The following OSBPL3 variants were observed in gnomAD, a reference collection of about 807,000 sequenced individuals.
The protein encoded by OSBPL3 is oxysterol-binding protein-related protein 3.
A neutral mutation model predicts 120.1 loss-of-function variants in OSBPL3; 65 were observed. The ratio of observed to expected loss-of-function variants is 0.54; its 90% confidence interval spans 0.44 to 0.67. The LOEUF is 0.67. Ranked by LOEUF, OSBPL3 falls within the 30% of genes least tolerant of loss-of-function variation. The pLI, the probability that OSBPL3 is intolerant of heterozygous loss-of-function variation, is 0.00. For missense variants in OSBPL3, 1,004 were observed against 1,082.1 expected (o/e 0.93, Z 1.01); for synonymous variants, 416 against 402.6 (o/e 1.03, Z -0.40).
Position 24,919,431 on chromosome 7 carries a change from G to T in OSBPL3, c.-149-26810C>A, listed in dbSNP as rs1388456877. On this transcript the variant is annotated intron_variant, in intron 1 of 22. Transcript: ENST00000313367. ...GAAATAAAGGTCTTTAAAACAAATG[G>T]TGCTGGTGCTGGAACTTGATATCTA... Among the ~76,000 whole-genome samples, 3 of 152,042 alleles carry T rather than the reference G, an allele frequency of 2.0e-5. No individual in the cohort carries two copies. The South Asian group carries it at 6.2e-4, about 31-fold the overall frequency.
Position 24,819,696 on chromosome 7 carries a change from A to G in OSBPL3, c.1948+479T>C, listed in dbSNP as rs1046817427. On this transcript the variant is annotated intron_variant, in intron 17 of 22. Coordinates refer to ENST00000313367, the MANE Select transcript of OSBPL3 (RefSeq NM_015550.4). The surrounding 1 kb of genome is among the most constrained non-coding windows in gnomAD (Gnocchi z 4.1). The stretch of plus-strand genomic sequence containing the variant: ...TTTTTTTTAATAAATTGAGAGATTA[A>G]CAAAATTAATCCATCTAGGAAATAT... 2.0e-5 allele frequency among the ~76,000 whole-genome samples: 3 copies of G among 152,168 alleles called. No homozygotes were observed. The highest frequency in any genetic ancestry group is 4.4e-5 in the Non-Finnish European group (3 of 68,020).
Position 24,852,524 on chromosome 7 carries a change from G to C in OSBPL3, c.1138C>G (p.Leu380Val), listed in dbSNP as rs750460633. 6.3e-7 allele frequency: 1 copy of C among 1,589,736 alleles called. No homozygotes were observed. The highest frequency in any genetic ancestry group is 1.9e-5 in the Admixed American group (1 of 51,846). ...SSSPSAQVIG[L>V]KNALSSALAQ... ...CTTACGGATGACAGGGCGTTCTTCAGACCAATGACCTGAGCAGACGGGGAG... is the reference window on the plus strand; with the variant it reads ...CTTACGGATGACAGGGCGTTCTTCACACCAATGACCTGAGCAGACGGGGAG... Residue 380 changes from leucine (L) to valine (V), a missense_variant, in exon 11 of 23, where the codon CTG (leucine) becomes GTG (valine). By Grantham distance (32) the Leu-to-Val change is conservative. Around this residue, in one of 4 missense-constraint regions of OSBPL3, gnomAD observed 272 missense variants for 248.8 expected, o/e 1.09. Coordinates refer to ENST00000313367, the MANE Select transcript of OSBPL3 (RefSeq NM_015550.4). The surrounding 1 kb of genome is among the most constrained non-coding windows in gnomAD (Gnocchi z 4.1).
At position 24,849,108 on chromosome 7, in the gene OSBPL3, G is replaced by T. The variant is rs770183257; in HGVS notation, c.1227C>A (p.Asp409Glu). The T allele has an allele frequency of 6.2e-7, 1 of 1,614,078 alleles. No homozygotes were observed. Among genetic ancestry groups the T allele is most frequent in the African/African-American group, 1.3e-5 (1 of 75,058 alleles). Residue 409 changes from aspartate (D) to glutamate (E), a missense_variant, in exon 12 of 23, where the codon GAC becomes GAA. Coordinates refer to ENST00000313367, the MANE Select transcript of OSBPL3 (RefSeq NM_015550.4). This position sits in a 1 kb window ranked among gnomAD's most constrained non-coding sequence, Gnocchi z 5.4. ...RRIHAESLLL[D>E]SPAVAKSGDN... ...CACCCGACTTGGCGACAGCGGGGGA[G>T]TCGAGGAGCAGAGACTCGGCATGGA... is the stretch of plus-strand genomic sequence containing the variant.
rs1338927437 is a variant in OSBPL3 at position 24,950,445 on chromosome 7, G to A, written c.-150+29441C>T. Among the ~76,000 whole-genome samples, 6 of 152,038 alleles carry A rather than the reference G, an allele frequency of 3.9e-5. No homozygotes were observed. The South Asian group carries it at 1.0e-3, about 26-fold the overall frequency. Reference sequence around the variant, plus strand: ...GTTCAATACACAAAACATGTAGGCCGGGCGCGGTGGCTCACGCCTGTAATC... The same window carrying A: ...GTTCAATACACAAAACATGTAGGCCAGGCGCGGTGGCTCACGCCTGTAATC... On this transcript the variant is annotated intron_variant, in intron 1 of 22. Transcript: ENST00000313367.
rs957502195 is a variant in OSBPL3, at chr7:24,939,158, A to G, written c.-150+40728T>C. Among the ~76,000 whole-genome samples, 3 of 152,168 alleles carry G rather than the reference A, an allele frequency of 2.0e-5. No homozygotes were observed. The highest frequency in any genetic ancestry group is 6.5e-5 in the Admixed American group (1 of 15,276). ...TAAGAGAAAGAAAGAGAAAAGATAA[A>G]TGAAGAAAACTAAGACATCAAGAAT... On this transcript the variant is annotated intron_variant, in intron 1 of 22. Transcript: ENST00000313367. The surrounding 1 kb of genome is among the most constrained non-coding windows in gnomAD (Gnocchi z 4.2).
rs749840962 is a variant in OSBPL3, at chr7:24,870,713, C to T, written c.381+19G>A. 1 of 1,423,258 alleles carries T rather than the reference C, an allele frequency of 7.0e-7. No homozygotes were observed. Among genetic ancestry groups the T allele is most frequent in the Admixed American group, 1.7e-5 (1 of 59,800 alleles). 88.2% of individuals were successfully genotyped at this position (1,423,258 alleles called of 1,614,324 possible). On this transcript the variant is annotated intron_variant, in intron 5 of 22. Coordinates refer to ENST00000313367, the MANE Select transcript of OSBPL3 (RefSeq NM_015550.4). ...TTCCCCAACATAAGTGAACTCTGCA[C>T]AGTGGGAAGCAGCCTCACCTTCAGA...
Position 24,900,861 on chromosome 7 carries a change from T to G in OSBPL3, c.-149-8240A>C, listed in dbSNP as rs984376095. On this transcript the variant is annotated intron_variant, in intron 1 of 22. Coordinates refer to ENST00000313367, the MANE Select transcript of OSBPL3 (RefSeq NM_015550.4). The surrounding 1 kb of genome is among the most constrained non-coding windows in gnomAD (Gnocchi z 4.5). ...GCGGATTTTGCCATTGGCACGAACC[T>G]AATACAAAAATTAGCTAGGCGTGCT... Among the ~76,000 whole-genome samples, 2 of 152,050 alleles carry G rather than the reference T, an allele frequency of 1.3e-5. No individual in the cohort carries two copies. Among genetic ancestry groups the G allele is most frequent in the Admixed American group, 1.3e-4 (2 of 15,258 alleles).
At chr7:24,954,053 C>T (rs1814757469) in intron 1 of OSBPL3, among the ~76,000 whole-genome samples, 1 of 152,150 alleles carries the variant, frequency 6.6e-6, no homozygotes. Flanking sequence ...CAAGACCTTC[C>T]TTCCTCTTTC....
Position 24,878,763 on chromosome 7 carries a change from TCTCA to T in OSBPL3, c.97-6698_97-6695del, listed in dbSNP as rs1803220499. ...GTTGGGAGAAAGGTAGTGTATGAGC[TCTCA>T]CTCAGTGCTTCTCAAACTGTAATTT... On this transcript the variant is annotated intron_variant, in intron 2 of 22. Coordinates refer to ENST00000313367, the MANE Select transcript of OSBPL3 (RefSeq NM_015550.4). 4.6e-5 allele frequency among the ~76,000 whole-genome samples: 7 copies of T among 152,322 alleles called. 1 individual carries two copies. In the South Asian group the frequency reaches 1.4e-3, roughly 32 times the overall value.
At chr7:24,923,468 C>G (rs1008287726) in intron 1 of OSBPL3, among the ~76,000 whole-genome samples, 2 of 152,212 alleles carry the variant, frequency 1.3e-5, no homozygotes, top group African/African-American at 2.4e-5. Context: ...TAGGCAGACT[C>G]TGAAGACCAC....
In OSBPL3 at chr7:24,936,967, A is replaced by T. The variant is rs1812496614; in HGVS notation, c.-150+42919T>A. 6.6e-6 allele frequency among the ~76,000 whole-genome samples: 1 copy of T among 152,216 alleles called. No homozygotes were observed. Among genetic ancestry groups the T allele is most frequent in the African/African-American group, 2.4e-5 (1 of 41,468 alleles). ...GGCAGCAACAGCAGTTGTCATAGAA[A>T]AGGATACTGTATTAGTCCATTCTTG... On this transcript the variant is annotated intron_variant, in intron 1 of 22. Coordinates refer to ENST00000313367, the MANE Select transcript of OSBPL3 (RefSeq NM_015550.4). This position sits in a 1 kb window ranked among gnomAD's most constrained non-coding sequence, Gnocchi z 4.2.
In OSBPL3 at chr7:24,975,529, CT is replaced by C. The variant is rs535831780; in HGVS notation, c.-150+4356del. Among the ~76,000 whole-genome samples, 21 of 152,252 alleles carry C rather than the reference CT, an allele frequency of 1.4e-4. No individual in the cohort carries two copies. In the East Asian group the frequency reaches 3.1e-3, roughly 22 times the overall value. On this transcript the variant is annotated intron_variant, in intron 1 of 22. Transcript: ENST00000313367. ...AAAATTTAAGCAAATATAATTAATA[CT>C]TTTTTCAATTGAGCAGTTACTATAG...
At chr7:24,976,420 T>C (rs1563029694) in intron 1 of OSBPL3, among the ~76,000 whole-genome samples, 1 of 152,018 alleles carries the variant, frequency 6.6e-6, no homozygotes, top group Non-Finnish European at 1.5e-5. Flanking sequence ...ACAGAGTGCA[T>C]AAGTCCCTAA....
intron 20 of OSBPL3, among the ~76,000 whole-genome samples, chr7:24,807,841 C>T (rs1186796049): frequency 6.6e-6 from 1 of 152,164 alleles, no homozygotes; most frequent in African/African-American, 2.4e-5. Flanking sequence ...GATCTACTTA[C>T]AGCCTAAGCT....
At position 24,912,283 on chromosome 7, in the gene OSBPL3, T is replaced by C. The variant is rs1326988200; in HGVS notation, c.-149-19662A>G. Among the ~76,000 whole-genome samples the C allele has an allele frequency of 6.6e-6, 1 of 152,194 alleles. No individual in the cohort carries two copies. The highest frequency in any genetic ancestry group is 1.5e-5 in the Non-Finnish European group (1 of 68,032). On this transcript the variant is annotated intron_variant, in intron 1 of 22. Transcript: ENST00000313367. This position sits in a 1 kb window ranked among gnomAD's most constrained non-coding sequence, Gnocchi z 4.5. ...ACCAAAAAATAATAGTTCATAGGAATTACAAATCAGAAAATGTAAGTCAAA... is the reference window on the plus strand; with the variant it reads ...ACCAAAAAATAATAGTTCATAGGAACTACAAATCAGAAAATGTAAGTCAAA...
chr7:24,900,191 GT>G lies in OSBPL3; in HGVS notation c.-149-7571del, dbSNP rs1431746541. ...AACTGAGAGGGGGACCCTGGGATCT[GT>G]TTTTCACAAGTTCTCCAGGTGACCT... On this transcript the variant is annotated intron_variant, in intron 1 of 22. Transcript: ENST00000313367. This position sits in a 1 kb window ranked among gnomAD's most constrained non-coding sequence, Gnocchi z 4.5. 5.9e-5 allele frequency among the ~76,000 whole-genome samples: 9 copies of G among 152,300 alleles called. No individual in the cohort carries two copies. Among genetic ancestry groups the G allele is most frequent in the African/African-American group, 2.2e-4 (9 of 41,570 alleles).
rs1799271788 is a variant in OSBPL3, at chr7:24,852,427, C to A, written c.1158+77G>T. The A allele has an allele frequency of 1.6e-6, 2 of 1,252,130 alleles. No homozygotes were observed. The highest frequency in any genetic ancestry group is 2.1e-6 in the Non-Finnish European group (2 of 947,858). 77.6% of individuals were successfully genotyped at this position (1,252,130 alleles called of 1,614,324 possible). ...TTTTCTCCTGAATTTTCAACATAAT[C>A]ATGGAAATAGAAATTACAAACCATT... is the stretch of plus-strand genomic sequence containing the variant. On this transcript the variant is annotated intron_variant, in intron 11 of 22. Coordinates refer to ENST00000313367, the MANE Select transcript of OSBPL3 (RefSeq NM_015550.4). The surrounding 1 kb of genome is among the most constrained non-coding windows in gnomAD (Gnocchi z 4.1).
upstream of OSBPL3, among the ~76,000 whole-genome samples, chr7:24,980,392 G>C (rs138597693): frequency 6.6e-6 from 1 of 152,158 alleles, no homozygotes; most frequent in Non-Finnish European, 1.5e-5. Context: ...GGGAACTAGG[G>C]ACCCCGGATT....
chr7:24,847,623 A>T (rs1381247165), intron 12 of OSBPL3, among the ~76,000 whole-genome samples: 1 of 152,260 alleles, frequency 6.6e-6, no homozygotes, highest in African/African-American at 2.4e-5. Context: ...AGACATGCCA[A>T]GCATAAATTC....
Sources: gnomAD v4.1 joint callset for allele counts (sites outside exome capture counted in the v4.1 genomes callset) on GRCh38, gnomAD v4.1.1 for gene constraint, gnomAD v4.1.1 regional missense constraint, Gnocchi (gnomAD v3.1) non-coding constraint, MANE v1.5 for transcripts, NCBI Gene and HGNC (gene_info 2026-07-23, HGNC 2026-07-21) for gene names.